SLC38A4: variants seen among roughly 807,000 people sequenced by gnomAD.
The protein encoded by SLC38A4 is sodium-coupled neutral amino acid transporter 4.
In SLC38A4, 20 loss-of-function variants were observed where a neutral mutation model predicts 63.1. The observed-to-expected ratio is 0.32, with a 90% CI of 0.22 to 0.46. SLC38A4 has a LOEUF of 0.46. SLC38A4 is among the 20% of genes least tolerant of loss of function. The pLI is 1.00. For missense variants in SLC38A4, 526 were observed against 663.6 expected (o/e 0.79, Z 2.28); for synonymous variants, 230 against 225.5 (o/e 1.02, Z -0.18).
At position 46,779,764 on chromosome 12, in the gene SLC38A4, T is replaced by C. The variant is rs961007697; in HGVS notation, c.658+16A>G. 2.5e-6 allele frequency: 4 copies of C among 1,592,916 alleles called. No homozygotes were observed. The highest frequency in any genetic ancestry group is 1.4e-5 in the African/African-American group (1 of 73,594). ...AAATAAAAATAAAAATATTTCCAGT[T>C]AGAAAATATCTTTACCTAAATTTTT... On this transcript the variant is annotated intron_variant, in intron 9 of 16. Transcript: ENST00000266579.
intron 3 of SLC38A4, 120 bp from the exon 4 acceptor site, chr12:46,788,738 T>A: frequency 1.2e-6 from 1 of 863,176 alleles, no homozygotes; most frequent in Non-Finnish European, 1.8e-6. Flanking sequence ...GACACCCCAA[T>A]TTTCTTTTCC....
intron 2 of SLC38A4, 80 bp from the exon 3 acceptor site, chr12:46,793,263 G>A: frequency 2.6e-6 from 1 of 389,356 alleles, no homozygotes; most frequent in South Asian, 5.1e-5. Context: ...CATTTTGTAT[G>A]CTCTCTGTAA....
At chr12:46,776,565 C>T (rs1938529384) in intron 13 of SLC38A4, among the ~76,000 whole-genome samples, 1 of 152,038 alleles carries the variant, frequency 6.6e-6, no homozygotes, top group Non-Finnish European at 1.5e-5. Flanking sequence ...GGAGCTTTAT[C>T]ACATGCAAGT....
rs1383629784 is a variant in SLC38A4, at chr12:46,815,276, TATATATATACAC to T, written c.-305+10615_-305+10626del. Among the ~76,000 whole-genome samples, 34 of 77,702 alleles carry T rather than the reference TATATATATACAC, an allele frequency of 4.4e-4. No homozygotes were observed. In the South Asian group the frequency reaches 8.6e-3, roughly 20 times the overall value. 51.0% of individuals were successfully genotyped at this position (77,702 alleles called of 152,430 possible). ...ATATATATATATATATATATATATATATATATATACACACACACACACACACACACACAGAGA... is the reference window on the plus strand; with the variant it reads ...ATATATATATATATATATATATATATACACACACACACACACACACAGAGA... On this transcript the variant is annotated intron_variant, in intron 1 of 16. Transcript: ENST00000266579.
chr12:46,784,787 C>T (rs995672775), intron 6 of SLC38A4, among the ~76,000 whole-genome samples, 153 bp from the exon 7 acceptor site: 3 of 152,048 alleles, frequency 2.0e-5, no homozygotes, highest in African/African-American at 7.2e-5. Context: ...AACCAATAAG[C>T]AATATATCAA....
At chr12:46,775,373 G>A (rs139520453) in intron 13 of SLC38A4, among the ~76,000 whole-genome samples, 200 bp from the exon 14 acceptor site, 4 of 152,150 alleles carry the variant, frequency 2.6e-5, no homozygotes, top group South Asian at 2.1e-4. Flanking sequence ...AGCTGATAAC[G>A]TTGCAGAAGG....
At chr12:46,768,208 C>T (rs960789814) in intron 16 of SLC38A4, 102 bp downstream of exon 16, 3 of 853,680 alleles carry the variant, frequency 3.5e-6, no homozygotes, top group Admixed American at 2.9e-5. Context: ...ATTTTTGGTT[C>T]TTGTACATTG....
At chr12:46,793,543 A>G (rs1291997561) in intron 2 of SLC38A4, among the ~76,000 whole-genome samples, 1 of 152,154 alleles carries the variant, frequency 6.6e-6, no homozygotes, top group African/African-American at 2.4e-5. Context: ...AAAAGAAAGG[A>G]AGACAAAAGT....
At chr12:46,792,859 G>A (rs1433191600) in intron 3 of SLC38A4, 94 bp downstream of exon 3, 5 of 856,476 alleles carry the variant, frequency 5.8e-6, no homozygotes, top group Non-Finnish European at 2.0e-6. Context: ...AAATTTACCT[G>A]TAATAAATCC....
intron 5 of SLC38A4, among the ~76,000 whole-genome samples, 157 bp downstream of exon 5, chr12:46,787,759 C>T (rs990022409): frequency 6.6e-5 from 10 of 152,206 alleles, no homozygotes; most frequent in African/African-American, 2.4e-4. Flanking sequence ...CATACACTTT[C>T]TGCCGTTGGG....
intron 2 of SLC38A4, among the ~76,000 whole-genome samples, chr12:46,799,021 A>G (rs768817227): frequency 6.6e-6 from 1 of 152,154 alleles, no homozygotes. Flanking sequence ...AATATTATTT[A>G]CCACAAAGCA....
chr12:46,818,273 G>A (rs965052905), intron 1 of SLC38A4, among the ~76,000 whole-genome samples: 4 of 151,868 alleles, frequency 2.6e-5, no homozygotes, highest in Admixed American at 2.6e-4. Flanking sequence ...TGCCACACTA[G>A]AGTCTTAAGA....
At chr12:46,814,369 A>G (rs1939395154) in intron 1 of SLC38A4, among the ~76,000 whole-genome samples, 1 of 151,958 alleles carries the variant, frequency 6.6e-6, no homozygotes, top group African/African-American at 2.4e-5. Flanking sequence ...AATATTAACC[A>G]ACCTGTGAAG....
chr12:46,793,846 C>A (rs1006304899), intron 2 of SLC38A4, among the ~76,000 whole-genome samples: 15 of 152,114 alleles, frequency 9.9e-5, no homozygotes, highest in African/African-American at 3.6e-4. Context: ...ACAAAGAGAT[C>A]TAGATTTTAG....
chr12:46,777,583 T>G (rs1319519241), intron 12 of SLC38A4, among the ~76,000 whole-genome samples: 1 of 151,980 alleles, frequency 6.6e-6, no homozygotes, highest in Non-Finnish European at 1.5e-5. Flanking sequence ...TGGGGAAAGT[T>G]TTGCTATTTA....
chr12:46,779,938 A>G lies in SLC38A4; in HGVS notation c.575+11T>C. On this transcript the variant is annotated intron_variant, in intron 8 of 16. Transcript: ENST00000266579. Reference sequence around the variant, plus strand: ...AGTCACTTGATGTCACAGAGGGAGCATAAGACATACCCAGTATTTTCTTCA... The same window carrying G: ...AGTCACTTGATGTCACAGAGGGAGCGTAAGACATACCCAGTATTTTCTTCA... 1 of 1,611,214 alleles carries G rather than the reference A, an allele frequency of 6.2e-7. No individual in the cohort carries two copies. The highest frequency in any genetic ancestry group is 1.1e-5 in the South Asian group (1 of 91,008).
intron 14 of SLC38A4, among the ~76,000 whole-genome samples, chr12:46,772,160 T>C (rs1181152985): frequency 2.0e-5 from 3 of 151,450 alleles, no homozygotes; most frequent in Non-Finnish European, 4.4e-5. Context: ...CCTCTCCCAT[T>C]GTTTAGACGT....
At chr12:46,768,804 A>T (rs950161181) in intron 15 of SLC38A4, among the ~76,000 whole-genome samples, 2 of 152,092 alleles carry the variant, frequency 1.3e-5, no homozygotes, top group Non-Finnish European at 2.9e-5. Context: ...GTTTAAGTAA[A>T]CCCTCAATGA....
intron 1 of SLC38A4, among the ~76,000 whole-genome samples, chr12:46,820,951 A>G (rs1404172517): frequency 2.6e-5 from 4 of 151,978 alleles, no homozygotes; most frequent in Non-Finnish European, 4.4e-5. Flanking sequence ...CTTTTCATAT[A>G]CCTGTTGGCC....
Sources: allele counts gnomAD v4.1 joint callset (sites outside exome capture counted in the v4.1 genomes callset), GRCh38; gene constraint gnomAD v4.1.1; transcripts MANE v1.5; gene names NCBI Gene and HGNC (gene_info 2026-07-23, HGNC 2026-07-21).